Variants in DNM2 observed in about 807,000 individuals in gnomAD.
DNM2 encodes dynamin-2.
Under a neutral mutation model 99.0 loss-of-function variants are expected in DNM2, and 15 were observed. The ratio of observed to expected loss-of-function variants is 0.15; its 90% CI spans 0.10 to 0.23. DNM2 has a LOEUF of 0.23. Among genes scored for constraint, DNM2 ranks in the 10% least tolerant of loss-of-function variants. The probability of loss-of-function intolerance (pLI) is 1.00; values close to 1 mark genes in which losing one functional copy is unlikely to be tolerated. For missense variants in DNM2, 742 were observed against 1,189.4 expected (o/e 0.62, Z 5.53); for synonymous variants, 525 against 481.2 (o/e 1.09, Z -1.19).
Position 10,812,293 on chromosome 19 carries a change from C to G in DNM2, c.1587C>G (p.Asn529Lys). ...LVIRRGWLTINNISLMKGGSK... is the reference protein window; with the variant it reads ...LVIRRGWLTIKNISLMKGGSK... ...TCCGCAGGGGCTGGCTGACCATCAA[C>G]AACATCAGCCTGATGAAAGGCGGCT... The change falls in exon 15 of 21, where the codon AAC (asparagine) becomes AAG (lysine). Residue 529 changes from asparagine to lysine, a missense_variant. Physicochemically the swap from Asn to Lys is moderately conservative, Grantham distance 94. Transcript: ENST00000389253. This position sits in a 1 kb window ranked among gnomAD's most constrained non-coding sequence, Gnocchi z 4.0. The G allele has an allele frequency of 6.2e-7, 1 of 1,608,780 alleles. No homozygotes were observed. Among genetic ancestry groups the G allele is most frequent in the Non-Finnish European group, 8.5e-7 (1 of 1,177,370 alleles).
chr19:10,816,600 C>A lies in DNM2; in HGVS notation c.1672-3380C>A, dbSNP rs577154763. ...GGTAGGGTGCCCTTTCTCTTTTTCTCCCCTCTTTCCGCCTTGCAGTGAGAA... is the reference window on the plus strand; with the variant it reads ...GGTAGGGTGCCCTTTCTCTTTTTCTACCCTCTTTCCGCCTTGCAGTGAGAA... On this transcript the variant is annotated intron_variant, in intron 15 of 20. Coordinates refer to ENST00000389253, the MANE Select transcript of DNM2 (RefSeq NM_001005361.3). The surrounding 1 kb of genome is among the most constrained non-coding windows in gnomAD (Gnocchi z 4.6). Among the ~76,000 whole-genome samples, 221 of 152,280 alleles carry A rather than the reference C, an allele frequency of 1.5e-3. 6 individuals carry two copies. In the South Asian group the frequency reaches 0.044, roughly 30 times the overall value.
chr19:10,749,799 C>T (rs1266094006), intron 1 of DNM2, among the ~76,000 whole-genome samples: 2 of 152,216 alleles, frequency 1.3e-5, no homozygotes, highest in African/African-American at 4.8e-5. Flanking sequence ...ACTAGACCTT[C>T]ATCAGAGGCC....
At chr19:10,769,721 C>T (rs1429385351) in intron 2 of DNM2, among the ~76,000 whole-genome samples, 1 of 151,736 alleles carries the variant, frequency 6.6e-6, no homozygotes, top group East Asian at 1.9e-4. Context: ...GTGTAACTGT[C>T]CTTGGGAACT....
At chr19:10,759,850 G>A in intron 2 of DNM2, 39 bp downstream of exon 2, 1 of 1,613,482 alleles carries the variant, frequency 6.2e-7, no homozygotes, top group Non-Finnish European at 8.5e-7. Flanking sequence ...GGAAGTGGAT[G>A]TGGATGTGTG....
chr19:10,823,418 TA>T (rs761654737), intron 16 of DNM2: 50 of 150,016 alleles, frequency 3.3e-4, no homozygotes, highest in East Asian at 2.1e-3. Flanking sequence ...AAAAAAAAAA[TA>T]AATAATAATA....
Position 10,718,269 on chromosome 19 carries a change from G to A in DNM2, c.27G>A (p.Leu9=). The A allele has an allele frequency of 6.7e-7, 1 of 1,491,264 alleles. No individual in the cohort carries two copies. Among genetic ancestry groups the A allele is most frequent in the Admixed American group, 2.3e-5 (1 of 44,022 alleles). The allele number at this position is 1,491,264 out of a possible 1,614,324, so 92.4% of individuals were successfully genotyped here. A position where few individuals can be genotyped will look rare whatever the true frequency, so the allele number is the denominator to read the frequency against. The change falls in exon 1 of 21, where the codon CTG becomes CTA. Residue 9 remains leucine, a synonymous_variant. Coordinates refer to ENST00000389253, the MANE Select transcript of DNM2 (RefSeq NM_001005361.3). ...TGGGCAACCGCGGGATGGAAGAGCTGATCCCGCTGGTCAACAAACTGCAGG... is the reference window on the plus strand; with the variant it reads ...TGGGCAACCGCGGGATGGAAGAGCTAATCCCGCTGGTCAACAAACTGCAGG... The part of the protein sequence containing the change: MGNRGMEE[L]IPLVNKLQDA...
At chr19:10,797,278 T>A in intron 9 of DNM2, 102 bp from the exon 10 acceptor site, 1 of 1,523,032 alleles carries the variant, frequency 6.6e-7, no homozygotes, top group South Asian at 1.2e-5. Flanking sequence ...ACTAATCAGA[T>A]GACTCTCGTT....
chr19:10,733,253 A>G (rs1255581461), intron 1 of DNM2, among the ~76,000 whole-genome samples: 6 of 144,052 alleles, frequency 4.2e-5, no homozygotes, highest in Non-Finnish European at 9.0e-5. Context: ...GTGCAGTGGC[A>G]TGATGTCGGC....
rs1277774683 is a variant in DNM2, at chr19:10,830,162, A to C, written c.2327A>C (p.His776Pro). ...CAGCGCCGACCGGTGTCCAGCATAC[A>C]CCCCCCTGGCCGGCCCCCAGCAGTG... ...TPQRRPVSSI[H>P]PPGRPPAVRG... Residue 776 changes from histidine to proline, a missense_variant, in exon 20 of 21, where the codon CAC becomes CCC. Transcript: ENST00000389253. The surrounding 1 kb of genome is among the most constrained non-coding windows in gnomAD (Gnocchi z 4.8). 3 of 1,610,862 alleles carry C rather than the reference A, an allele frequency of 1.9e-6. No homozygotes were observed. In the African/African-American group the frequency reaches 4.1e-5, roughly 22 times the overall value.
At chr19:10,798,334 G>T in intron 10 of DNM2, 152 bp from the exon 11 acceptor site, 1 of 675,344 alleles carries the variant, frequency 1.5e-6, no homozygotes, top group Non-Finnish European at 2.7e-6. Flanking sequence ...CTCCCAGCTG[G>T]ACTCACTGGG....
rs759928497 is a variant in DNM2, at chr19:10,818,903, C to G, written c.1672-1077C>G. On this transcript the variant is annotated intron_variant, in intron 15 of 20. Coordinates refer to ENST00000389253, the MANE Select transcript of DNM2 (RefSeq NM_001005361.3). The surrounding 1 kb of genome is among the most constrained non-coding windows in gnomAD (Gnocchi z 4.3). ...TTCCCTCTCTGAGCTAGGAGGGATC[C>G]GTGAACTGAGACCAAGCAGTGCATG... is the stretch of plus-strand genomic sequence containing the variant. Among the ~76,000 whole-genome samples the G allele has an allele frequency of 6.6e-6, 1 of 152,124 alleles. No homozygotes were observed.
intron 1 of DNM2, 167 bp from the exon 2 acceptor site, chr19:10,759,571 C>A: frequency 1.3e-6 from 1 of 793,908 alleles, no homozygotes; most frequent in Non-Finnish European, 2.2e-6. Context: ...CTCTTCAGGC[C>A]TCAGGACCCT....
intron 17 of DNM2, 28 bp from the exon 18 acceptor site, chr19:10,825,029 C>T: frequency 6.2e-7 from 1 of 1,613,552 alleles, no homozygotes; most frequent in Non-Finnish European, 8.5e-7. Flanking sequence ...CCACAGTCAC[C>T]CCTCAGCACC....
At chr19:10,805,235 TG>T (rs1289461929) in intron 12 of DNM2, among the ~76,000 whole-genome samples, 7 of 152,224 alleles carry the variant, frequency 4.6e-5, no homozygotes, top group African/African-American at 1.7e-4. Context: ...ATGCAAGATA[TG>T]TGTCATTTCA....
chr19:10,791,045 C>T (rs1260316384), intron 7 of DNM2, among the ~76,000 whole-genome samples: 1 of 152,092 alleles, frequency 6.6e-6, no homozygotes, highest in African/African-American at 2.4e-5. Context: ...AGATCGCAGA[C>T]GTGAACCACC....
chr19:10,724,387 C>T (rs2069044143), intron 1 of DNM2, among the ~76,000 whole-genome samples: 1 of 152,116 alleles, frequency 6.6e-6, no homozygotes, highest in Admixed American at 6.6e-5. Flanking sequence ...CCATGTTAGC[C>T]AGGATGGTCT....
At chr19:10,734,077 G>A (rs1007946600) in intron 1 of DNM2, among the ~76,000 whole-genome samples, 5 of 151,868 alleles carry the variant, frequency 3.3e-5, no homozygotes, top group African/African-American at 9.7e-5. Flanking sequence ...GAGGCCTGGC[G>A]GGATGTTGTG....
intron 6 of DNM2, among the ~76,000 whole-genome samples, chr19:10,784,286 C>T (rs562974527): frequency 1.3e-5 from 2 of 152,162 alleles, no homozygotes; most frequent in South Asian, 2.1e-4. Context: ...GATAAATGCA[C>T]GATCAAGAAT....
At chr19:10,766,998 G>C (rs1004465870) in intron 2 of DNM2, among the ~76,000 whole-genome samples, 2 of 152,106 alleles carry the variant, frequency 1.3e-5, no homozygotes, top group African/African-American at 4.8e-5. Context: ...AAAATGCTTT[G>C]CAGTTTGCCG....
Sources: allele counts gnomAD v4.1 joint callset (sites outside exome capture counted in the v4.1 genomes callset), GRCh38; gene constraint gnomAD v4.1.1; non-coding constraint Gnocchi (gnomAD v3.1); transcripts MANE v1.5; gene names NCBI Gene and HGNC (gene_info 2026-07-23, HGNC 2026-07-21).